DPH6: variants seen among roughly 807,000 people sequenced by gnomAD.
DPH6 encodes diphthamine biosynthesis 6.
In DPH6, 33 loss-of-function variants were observed where a neutral mutation model predicts 38.2. The ratio of observed to expected loss-of-function variants is 0.86; its 90% CI spans 0.65 to 1.15. The LOEUF is 1.15. Ranked by LOEUF, DPH6 falls within the 50% of genes most tolerant of loss-of-function variation. The pLI is 0.00. For missense variants in DPH6, 325 were observed against 320.0 expected, an observed-to-expected ratio of 1.02 and a Z score of -0.12; for synonymous variants, 108 against 103.0, an observed-to-expected ratio of 1.05 and a Z score of -0.30.
At chr15:35,489,415 T>C in intron 3 of DPH6, 3 of 985,228 alleles carry the variant, frequency 3.0e-6, no homozygotes, top group Non-Finnish European at 3.6e-6. Flanking sequence ...TAAACTAGCT[T>C]AACTTTGTTT....
intron 3 of DPH6, among the ~76,000 whole-genome samples, chr15:35,496,782 C>T (rs575756081): frequency 7.8e-4 from 119 of 151,766 alleles, no homozygotes; most frequent in African/African-American, 2.7e-3. Flanking sequence ...GGACTTACTT[C>T]CTACTTCTCC....
At chr15:35,516,038 A>G (rs2054842156) in intron 3 of DPH6, among the ~76,000 whole-genome samples, 1 of 152,190 alleles carries the variant, frequency 6.6e-6, no homozygotes, top group South Asian at 2.1e-4. Context: ...ATTAATTCTT[A>G]CCTCGTATCA....
intron 3 of DPH6, among the ~76,000 whole-genome samples, chr15:35,507,705 G>A (rs1309242889): frequency 6.6e-6 from 1 of 152,008 alleles, no homozygotes; most frequent in African/African-American, 2.4e-5. Flanking sequence ...GTGTGATTTA[G>A]TAAATCATTA....
the DPH6 span, among the ~76,000 whole-genome samples, chr15:35,202,410 C>T: frequency 6.6e-6 from 1 of 151,754 alleles, no homozygotes; most frequent in African/African-American, 2.4e-5. Context: ...GCAACAAGTT[C>T]TGTGTTTCCT....
the DPH6 span, among the ~76,000 whole-genome samples, chr15:35,157,413 G>C: frequency 6.6e-6 from 1 of 152,204 alleles, no homozygotes; most frequent in East Asian, 1.9e-4. Flanking sequence ...TAATGTGTAT[G>C]TTTAAAATCT....
chr15:35,346,056 A>G (rs2052459205), intron 3 of DPH6, among the ~76,000 whole-genome samples: 1 of 152,070 alleles, frequency 6.6e-6, no homozygotes, highest in Admixed American at 6.6e-5. Flanking sequence ...TGCATCTCCT[A>G]GAGAATTAAA....
chr15:35,223,520 A>C (rs2051456588), intron 3 of DPH6, among the ~76,000 whole-genome samples: 1 of 152,188 alleles, frequency 6.6e-6, no homozygotes. Flanking sequence ...CCCCGTCTCT[A>C]CTAAAAATAC....
intron 3 of DPH6, among the ~76,000 whole-genome samples, chr15:35,247,248 A>C (rs1369616049): frequency 2.6e-5 from 4 of 152,162 alleles, no homozygotes; most frequent in Non-Finnish European, 5.9e-5. Context: ...TAAAAACACA[A>C]GTTTTGATCT....
chr15:35,311,885 G>A (rs2052144650), intron 3 of DPH6, among the ~76,000 whole-genome samples: 1 of 151,968 alleles, frequency 6.6e-6, no homozygotes, highest in Non-Finnish European at 1.5e-5. Flanking sequence ...TGCACTGTGT[G>A]GGAGGTTAGC....
chr15:35,269,279 T>G (rs1444825764), intron 3 of DPH6, among the ~76,000 whole-genome samples: 1 of 152,168 alleles, frequency 6.6e-6, no homozygotes, highest in Non-Finnish European at 1.5e-5. Context: ...ATTCCTAAAT[T>G]TAGTAGTTAT....
chr15:35,522,535 C>T (rs1459588204), intron 3 of DPH6, among the ~76,000 whole-genome samples: 1 of 152,104 alleles, frequency 6.6e-6, no homozygotes, highest in African/African-American at 2.4e-5. Flanking sequence ...AAATCTCTCA[C>T]ATACAAGCTT....
intron 3 of DPH6, among the ~76,000 whole-genome samples, chr15:35,517,155 A>T (rs984753225): frequency 3.3e-5 from 5 of 152,044 alleles, no homozygotes; most frequent in African/African-American, 1.2e-4. Flanking sequence ...CCTTGGAAAA[A>T]TTTAAAGAAG....
chr15:35,544,992 A>G (rs544685688), intron 1 of DPH6, among the ~76,000 whole-genome samples: 1 of 152,366 alleles, frequency 6.6e-6, no homozygotes, highest in Admixed American at 6.5e-5. Flanking sequence ...TTATTGTGAC[A>G]TTATGGTCTA....
chr15:35,439,916 A>G (rs759762937), intron 5 of DPH6, among the ~76,000 whole-genome samples: 2 of 152,240 alleles, frequency 1.3e-5, no homozygotes, highest in Non-Finnish European at 2.9e-5. Flanking sequence ...GTATGAGACT[A>G]AAGTTATTTT....
the DPH6 span, among the ~76,000 whole-genome samples, chr15:35,202,424 G>A: frequency 3.3e-5 from 5 of 151,698 alleles, no homozygotes; most frequent in East Asian, 3.9e-4. Flanking sequence ...GTTTCCTGAA[G>A]TAACTGCTCT....
intron 3 of DPH6, among the ~76,000 whole-genome samples, chr15:35,286,447 T>A (rs144691701): frequency 6.6e-6 from 1 of 152,124 alleles, no homozygotes; most frequent in African/African-American, 2.4e-5. Flanking sequence ...TCCATCCCTA[T>A]GGGAAATAAA....
chr15:35,386,242 T>G (rs978785661), intron 6 of DPH6, among the ~76,000 whole-genome samples: 1 of 152,258 alleles, frequency 6.6e-6, no homozygotes, highest in African/African-American at 2.4e-5. Context: ...TAATCCAGTC[T>G]ACCATTGTTG....
intron 3 of DPH6, among the ~76,000 whole-genome samples, chr15:35,517,014 C>T (rs1056255915): frequency 6.6e-6 from 1 of 151,980 alleles, no homozygotes; most frequent in South Asian, 2.1e-4. Context: ...AATATACATA[C>T]ATCATCACAT....
chr15:35,167,552 G>A, the DPH6 span, among the ~76,000 whole-genome samples: 1 of 123,458 alleles, frequency 8.1e-6, no homozygotes, highest in Admixed American at 9.6e-5. Flanking sequence ...GTTCCATACA[G>A]AGATTTTATG....
Sources: allele counts gnomAD v4.1 joint callset (sites outside exome capture counted in the v4.1 genomes callset), GRCh38; gene constraint gnomAD v4.1.1; transcripts MANE v1.5; gene names NCBI Gene and HGNC (gene_info 2026-07-23, HGNC 2026-07-21).